The following HERC2 variants were observed in gnomAD, a reference collection of about 807,000 sequenced individuals.
The protein encoded by HERC2 is HECT and RLD domain containing E3 ubiquitin protein ligase 2.
HERC2 carries 102 observed loss-of-function variants against 537.7 expected under a neutral mutation model. The ratio of observed to expected loss-of-function variants is 0.19; its 90% confidence interval spans 0.16 to 0.22. The LOEUF (loss-of-function observed/expected upper bound fraction) is 0.22. Ranked by LOEUF, HERC2 falls within the 10% of genes least tolerant of loss-of-function variation. The pLI, the probability that HERC2 is intolerant of heterozygous loss-of-function variation, is 1.00. For missense variants in HERC2, 4,236 were observed against 6,198.2 expected, an observed-to-expected ratio of 0.68 and a Z score of 10.63; for synonymous variants, 2,224 against 2,466.2, an observed-to-expected ratio of 0.90 and a Z score of 2.91.
intron 70 of HERC2, among the ~76,000 whole-genome samples, chr15:28,152,410 CA>C (rs1392537484): frequency 1.3e-5 from 2 of 152,166 alleles, no homozygotes; most frequent in Non-Finnish European, 2.9e-5. Context: ...CAGAATTTGC[CA>C]CAGGTTAGGT....
intron 52 of HERC2, among the ~76,000 whole-genome samples, chr15:28,194,398 A>T (rs201526446): frequency 6.7e-6 from 1 of 149,446 alleles, no homozygotes; most frequent in Non-Finnish European, 1.5e-5. Flanking sequence ...GTGAAACCCC[A>T]TCTCTACTAA....
chr15:28,321,559 G>C, intron 1 of HERC2, 95 bp from the exon 2 acceptor site: 1 of 563,652 alleles, frequency 1.8e-6, no homozygotes, highest in Non-Finnish European at 2.9e-6. Flanking sequence ...AGAGAGAACA[G>C]AAAGGGGGGA....
In HERC2 at chr15:28,177,554, GA is replaced by G. The variant is rs36082394; in HGVS notation, c.9164-46del. On this transcript the variant is annotated intron_variant, in intron 59 of 92. Coordinates refer to ENST00000261609, the MANE Select transcript of HERC2 (RefSeq NM_004667.6). The surrounding 1 kb of genome is among the most constrained non-coding windows in gnomAD (Gnocchi z 5.0). ...ACGGATTGCCAAAGGGCAGGGAACA[GA>G]AAGCCCACAGCATAGCTAGCTCCCT... 2.9e-5 allele frequency: 45 copies of G among 1,569,468 alleles called. No individual in the cohort carries two copies. In the African/African-American group the frequency reaches 4.5e-4, roughly 16 times the overall value.
intron 69 of HERC2, among the ~76,000 whole-genome samples, chr15:28,159,470 A>G (rs1893351605): frequency 6.6e-6 from 1 of 152,010 alleles, no homozygotes; most frequent in Non-Finnish European, 1.5e-5. Flanking sequence ...TTCTCGCTTC[A>G]TTTCATTCAT....
chr15:28,129,135 G>A (rs1476976583), intron 83 of HERC2, among the ~76,000 whole-genome samples: 1 of 152,140 alleles, frequency 6.6e-6, no homozygotes, highest in African/African-American at 2.4e-5. Flanking sequence ...TTGTGTTGGG[G>A]TTCCCCGGAC....
intron 28 of HERC2, 39 bp downstream of exon 28, chr15:28,233,624 CT>C: frequency 6.2e-7 from 1 of 1,613,524 alleles, no homozygotes; most frequent in Non-Finnish European, 8.5e-7. Context: ...GTCGAGGAAT[CT>C]GCAGTGTACC....
rs770620449 is a variant in HERC2 at position 28,201,995 on chromosome 15, C to G, written c.7617+118G>C. 373 of 1,216,090 alleles carry G rather than the reference C, an allele frequency of 3.1e-4. 1 individual carries two copies. Among genetic ancestry groups the G allele is most frequent in the East Asian group, 4.3e-4 (17 of 39,492 alleles). 75.3% of individuals were successfully genotyped at this position (1,216,090 alleles called of 1,614,324 possible). A position where few individuals can be genotyped will look rare whatever the true frequency, so the allele number is the denominator to read the frequency against. On this transcript the variant is annotated intron_variant, in intron 47 of 92. Coordinates refer to ENST00000261609, the MANE Select transcript of HERC2 (RefSeq NM_004667.6). ...AATACCATAGGTTGGTTTTATGGAA[C>G]AGTCCACAGTAGATATAGTTAATTC...
rs764560126 is a variant in HERC2, at chr15:28,176,559, C to A, written c.9555G>T (p.Leu3185=). The A allele has an allele frequency of 6.2e-7, 1 of 1,614,178 alleles. No homozygotes were observed. The highest frequency in any genetic ancestry group is 1.1e-5 in the South Asian group (1 of 91,084). Reference sequence around the variant, plus strand: ...TACAGCCTTCACTTCCGCCCCGGCCCAGTTTTCCAAAGTCACCATCACCCC... The same window carrying A: ...TACAGCCTTCACTTCCGCCCCGGCCAAGTTTTCCAAAGTCACCATCACCCC... ...FSWGDGDFGK[L]GRGGSEGCNI... Residue 3185 remains leucine, a synonymous_variant, in exon 63 of 93, where the codon CTG becomes CTT. Coordinates refer to ENST00000261609, the MANE Select transcript of HERC2 (RefSeq NM_004667.6). This position sits in a 1 kb window ranked among gnomAD's most constrained non-coding sequence, Gnocchi z 5.0.
intron 16 of HERC2, among the ~76,000 whole-genome samples, chr15:28,258,412 C>T (rs2075326195): frequency 6.6e-6 from 1 of 152,060 alleles, no homozygotes; most frequent in Admixed American, 6.6e-5. Context: ...ACAGAGGTTG[C>T]CGTGAGCTGA....
intron 2 of HERC2, among the ~76,000 whole-genome samples, chr15:28,299,921 C>T (rs1407416405): frequency 2.0e-5 from 3 of 151,724 alleles, no homozygotes; most frequent in East Asian, 1.9e-4. Context: ...GGCGTGGTGG[C>T]GGGCGCCTGT....
At chr15:28,201,596 A>G (rs1897916786) in intron 47 of HERC2, 42 bp from the exon 48 acceptor site, 2 of 1,189,836 alleles carry the variant, frequency 1.7e-6, no homozygotes. Flanking sequence ...ACAGGAGAAC[A>G]TGATAAACCT....
At chr15:28,194,228 G>C (rs1320441663) in intron 52 of HERC2, among the ~76,000 whole-genome samples, 1 of 150,040 alleles carries the variant, frequency 6.7e-6, no homozygotes, top group Admixed American at 6.6e-5. Context: ...ACCACGCCCG[G>C]CTAATTTTTT....
intron 4 of HERC2, among the ~76,000 whole-genome samples, chr15:28,285,935 C>G (rs2076146851): frequency 4.6e-5 from 7 of 151,646 alleles, no homozygotes; most frequent in Admixed American, 4.6e-4. Context: ...GCAAAATGGA[C>G]TTATTCCTCA....
chr15:28,168,788 T>C lies in HERC2; in HGVS notation c.10230-198A>G, dbSNP rs142436616. Among the ~76,000 whole-genome samples, 545 of 152,370 alleles carry C rather than the reference T, an allele frequency of 3.6e-3. 4 individuals carry two copies. Among genetic ancestry groups the C allele is most frequent in the African/African-American group, 0.012 (519 of 41,580 alleles). ...GCTAAAATGTTTACTCTGGATCCTA[T>C]TTATTTGAAAAACCAGAGTAATGGC... On this transcript the variant is annotated intron_variant, in intron 66 of 92. Transcript: ENST00000261609.
chr15:28,195,246 G>A (rs1313553062), intron 52 of HERC2, among the ~76,000 whole-genome samples: 1 of 151,918 alleles, frequency 6.6e-6, no homozygotes, highest in African/African-American at 2.4e-5. Flanking sequence ...TATAACATAT[G>A]CACTCCTTAT....
intron 47 of HERC2, 110 bp from the exon 48 acceptor site, chr15:28,201,664 CTTTAT>C (rs1897924677): frequency 8.4e-6 from 6 of 713,888 alleles, no homozygotes; most frequent in South Asian, 1.8e-5. Context: ...GGATGAAATC[CTTTAT>C]TTTCTCTATA....
At chr15:28,293,662 T>A (rs112046478) in intron 3 of HERC2, among the ~76,000 whole-genome samples, 26 of 152,342 alleles carry the variant, frequency 1.7e-4, no homozygotes, top group Non-Finnish European at 3.4e-4. Flanking sequence ...GTCCCAATGC[T>A]TGTGTATCCA....
intron 45 of HERC2, among the ~76,000 whole-genome samples, chr15:28,204,918 G>A (rs931662338): frequency 2.0e-5 from 3 of 152,134 alleles, no homozygotes; most frequent in Admixed American, 6.5e-5. Context: ...AGAACAAAAA[G>A]AGCAAGGCAG....
At chr15:28,182,927 C>T (rs1895962371) in intron 56 of HERC2, among the ~76,000 whole-genome samples, 1 of 152,202 alleles carries the variant, frequency 6.6e-6, no homozygotes, top group Non-Finnish European at 1.5e-5. Flanking sequence ...GGCCTTGCAG[C>T]ACTATCCCCA....
Sources: gnomAD v4.1 joint callset for allele counts (sites outside exome capture counted in the v4.1 genomes callset) on GRCh38, gnomAD v4.1.1 for gene constraint, Gnocchi (gnomAD v3.1) non-coding constraint, MANE v1.5 for transcripts, NCBI Gene and HGNC (gene_info 2026-07-23, HGNC 2026-07-21) for gene names.